UGT2A1: variants seen among roughly 807,000 people sequenced by gnomAD.
UGT2A1 encodes UDP glucuronosyltransferase family 2 member A1 complex locus.
UGT2A1 carries 61 observed loss-of-function variants against 45.4 expected under a neutral mutation model. The observed-to-expected ratio is 1.34, with a 90% confidence interval of 1.09 to 1.66. UGT2A1 has a LOEUF of 1.66. Ranked by LOEUF, UGT2A1 falls within the 40% of genes most tolerant of loss-of-function variation. The pLI, the probability that UGT2A1 is intolerant of heterozygous loss-of-function variation, is 0.00. For missense variants in UGT2A1, 649 were observed against 574.3 expected, an observed-to-expected ratio of 1.13 and a Z score of -1.33; for synonymous variants, 229 against 196.2, an observed-to-expected ratio of 1.17 and a Z score of -1.40.
chr4:69,609,155 ATTT>A (rs10627999), intron 3 of UGT2A1, among the ~76,000 whole-genome samples: 11 of 142,266 alleles, frequency 7.7e-5, no homozygotes, highest in African/African-American at 2.3e-4. Flanking sequence ...AATATATAAG[ATTT>A]TTTTTTTTTT....
intron 3 of UGT2A1, among the ~76,000 whole-genome samples, chr4:69,628,877 C>T (rs1258292929): frequency 6.6e-6 from 1 of 151,450 alleles, no homozygotes; most frequent in Non-Finnish European, 1.5e-5. Context: ...AAGGAATCTA[C>T]AGCCACTATT....
chr4:69,608,141 T>C (rs6814603), intron 3 of UGT2A1, among the ~76,000 whole-genome samples: 1 of 151,846 alleles, frequency 6.6e-6, no homozygotes, highest in Non-Finnish European at 1.5e-5. Context: ...TGCAGCGCTA[T>C]TCACAATAGC....
chr4:69,622,004 T>G (rs1156601687), intron 3 of UGT2A1, among the ~76,000 whole-genome samples: 4 of 151,644 alleles, frequency 2.6e-5, no homozygotes, highest in Non-Finnish European at 1.5e-5. Context: ...TAAGGCCTAC[T>G]TGAGGGTGGA....
At chr4:69,598,361 A>G (rs909742694) in intron 4 of UGT2A1, among the ~76,000 whole-genome samples, 1 of 152,148 alleles carries the variant, frequency 6.6e-6, no homozygotes, top group Non-Finnish European at 1.5e-5. Flanking sequence ...AGTTAAATAC[A>G]TTGTTCCTAC....
chr4:69,646,878 C>A, intron 2 of UGT2A1, 52 bp downstream of exon 2: 1 of 1,309,934 alleles, frequency 7.6e-7, no homozygotes, highest in South Asian at 1.5e-5. Flanking sequence ...AGAGGCTCTA[C>A]AAAGGTCTGT....
chr4:69,589,665 A>T lies in UGT2A1; in HGVS notation c.1305-14T>A. The T allele has an allele frequency of 6.3e-7, 1 of 1,577,548 alleles. No individual in the cohort carries two copies. The highest frequency in any genetic ancestry group is 8.6e-7 in the Non-Finnish European group (1 of 1,160,624). The stretch of plus-strand genomic sequence containing the variant: ...TTCTCTTTATAACTAGAAGACAAAT[A>T]AATAGGCAGAAATTAGACAATTTTT... On this transcript the variant is annotated splice_polypyrimidine_tract_variant and intron_variant, in intron 6 of 6. Coordinates refer to ENST00000286604, the MANE Select transcript of UGT2A1 (RefSeq NM_001252275.3).
At chr4:69,592,159 G>A (rs1432327) in intron 6 of UGT2A1, among the ~76,000 whole-genome samples, 93,603 of 151,870 alleles carry the variant, frequency 0.62, 29,059 homozygotes, top group East Asian at 0.74. Flanking sequence ...GGTTACTTCC[G>A]TTAAGAAAAA....
intron 2 of UGT2A1, among the ~76,000 whole-genome samples, chr4:69,643,802 T>C (rs1474647767): frequency 6.6e-6 from 1 of 151,660 alleles, no homozygotes; most frequent in African/African-American, 2.4e-5. Context: ...GATATAAATT[T>C]GTTGCAATGA....
At chr4:69,613,459 T>C (rs185958294) in intron 3 of UGT2A1, among the ~76,000 whole-genome samples, 129 of 152,076 alleles carry the variant, frequency 8.5e-4, no homozygotes, top group African/African-American at 3.0e-3. Context: ...TTGAAATATG[T>C]TCCAAAACAT....
intron 3 of UGT2A1, among the ~76,000 whole-genome samples, chr4:69,627,912 T>C (rs116788903): frequency 0.029 from 4,480 of 152,120 alleles, 208 homozygotes; most frequent in African/African-American, 0.1. Context: ...AATTTTTGCA[T>C]ACTGACCCTT....
At chr4:69,619,043 A>AT (rs1162081746) in intron 3 of UGT2A1, among the ~76,000 whole-genome samples, 6 of 151,880 alleles carry the variant, frequency 4.0e-5, no homozygotes, top group Non-Finnish European at 7.4e-5. Flanking sequence ...ATGTATATAC[A>AT]TTTGTAAATG....
At chr4:69,639,008 G>A (rs775860114) in intron 2 of UGT2A1, 226 of 1,613,104 alleles carry the variant, frequency 1.4e-4, no homozygotes, top group Non-Finnish European at 1.9e-4. Context: ...AGGTCATCTG[G>A]TCAGTGAGCT....
At chr4:69,614,789 G>A (rs1720276566) in intron 3 of UGT2A1, among the ~76,000 whole-genome samples, 2 of 151,986 alleles carry the variant, frequency 1.3e-5, no homozygotes, top group Admixed American at 6.6e-5. Context: ...GGACCTCTGA[G>A]TAGTCTGTTC....
chr4:69,596,441 A>G (rs946668330), intron 4 of UGT2A1: 29 of 1,421,610 alleles, frequency 2.0e-5, no homozygotes, highest in African/African-American at 7.3e-5. Flanking sequence ...AAATAAGTTT[A>G]CTTACACATT....
At chr4:69,640,741 G>T (rs975219653) in intron 2 of UGT2A1, among the ~76,000 whole-genome samples, 1 of 151,836 alleles carries the variant, frequency 6.6e-6, no homozygotes, top group Non-Finnish European at 1.5e-5. Context: ...CAGAGAACAG[G>T]AAAGACAAGA....
chr4:69,648,675 G>A (rs1193800156), intron 1 of UGT2A1, among the ~76,000 whole-genome samples: 2 of 151,914 alleles, frequency 1.3e-5, no homozygotes, highest in African/African-American at 4.8e-5. Context: ...TGTTCCTACA[G>A]CAAAATAAGA....
chr4:69,600,348 T>C (rs761537702), intron 3 of UGT2A1, among the ~76,000 whole-genome samples: 1 of 152,140 alleles, frequency 6.6e-6, no homozygotes, highest in Non-Finnish European at 1.5e-5. Context: ...TAATCCTATA[T>C]CACAAGGGAC....
rs761080370 is a variant in UGT2A1 at position 69,599,257 on chromosome 4, G to T, written c.985C>A (p.Pro329Thr). ...VGGLHCKPAK[P>T]LPKVLWRYKG... ...TGTTGTAGACCTACCTTAGGTAAAG[G>T]TTTGGCAGGTTTGCAGTGCAATCCT... Residue 329 changes from proline (P) to threonine (T), a missense_variant, in exon 4 of 7, where the codon CCT (proline) becomes ACT (threonine). Coordinates refer to ENST00000286604, the MANE Select transcript of UGT2A1 (RefSeq NM_001252275.3). The T allele has an allele frequency of 5.6e-6, 9 of 1,613,378 alleles. No individual in the cohort carries two copies. Among genetic ancestry groups the T allele is most frequent in the South Asian group, 3.3e-5 (3 of 90,976 alleles).
chr4:69,614,859 A>G (rs767310952), intron 3 of UGT2A1, among the ~76,000 whole-genome samples: 1 of 152,020 alleles, frequency 6.6e-6, no homozygotes, highest in Non-Finnish European at 1.5e-5. Flanking sequence ...GGTTTAATTG[A>G]CCCACAGTTC....
Sources: gnomAD v4.1 joint callset for allele counts (sites outside exome capture counted in the v4.1 genomes callset) on GRCh38, gnomAD v4.1.1 for gene constraint, MANE v1.5 for transcripts, NCBI Gene and HGNC (gene_info 2026-07-23, HGNC 2026-07-21) for gene names.